The following FBXL13 variants were observed in gnomAD, a reference collection of about 807,000 sequenced individuals.
FBXL13 encodes the protein F-box and leucine-rich repeat protein 13.
FBXL13 carries 67 observed loss-of-function variants against 83.6 expected under a neutral mutation model. The ratio of observed to expected loss-of-function variants is 0.80; its 90% confidence interval spans 0.66 to 0.98. The LOEUF (loss-of-function observed/expected upper bound fraction) is 0.98, where lower values mean the gene tolerates loss of function less well. Ranked by LOEUF, FBXL13 falls within the 50% of genes least tolerant of loss-of-function variation. The pLI, the probability that FBXL13 is intolerant of heterozygous loss-of-function variation, is 0.00. For missense variants in FBXL13, 822 were observed against 866.5 expected (o/e 0.95, Z 0.64); for synonymous variants, 272 against 299.5 (o/e 0.91, Z 0.95).
chr7:103,006,578 A>T (rs1010634393), intron 6 of FBXL13, among the ~76,000 whole-genome samples: 1 of 152,208 alleles, frequency 6.6e-6, no homozygotes, highest in African/African-American at 2.4e-5. Flanking sequence ...CTTAAATATA[A>T]ATGGAAAAGA....
At position 102,918,455 on chromosome 7, in the gene FBXL13, A is replaced by G. The variant is rs4457267; in HGVS notation, c.879-5240T>C. Among the ~76,000 whole-genome samples, 230 of 152,346 alleles carry G rather than the reference A, an allele frequency of 1.5e-3. 1 individual carries two copies. Among genetic ancestry groups the G allele is most frequent in the African/African-American group, 5.4e-3 (224 of 41,584 alleles). ...ACCTTCAATTTCTAAGGAGAAAAAA[A>G]GCCATTTCAATGTATGATTGAAAAT... On this transcript the variant is annotated intron_variant, in intron 10 of 19. Transcript: ENST00000313221.
intron 11 of FBXL13, among the ~76,000 whole-genome samples, chr7:102,903,939 C>CTTTTTTTTTTTTTTTT (rs1166655004): frequency 0.015 from 636 of 43,018 alleles, 1 homozygote; most frequent in Middle Eastern, 0.031. Context: ...CTTTTCTTTT[C>CTTTTTTTTTTTTTTTT]TTTTTTTTTT....
At chr7:102,837,628 T>C (rs1584534000) in intron 17 of FBXL13, among the ~76,000 whole-genome samples, 1 of 152,266 alleles carries the variant, frequency 6.6e-6, no homozygotes, top group South Asian at 2.1e-4. Flanking sequence ...TGATCATAGC[T>C]CACTGTAGCC....
chr7:102,977,131 G>A (rs570038984), intron 6 of FBXL13, among the ~76,000 whole-genome samples: 2 of 152,304 alleles, frequency 1.3e-5, no homozygotes, highest in South Asian at 4.1e-4. Flanking sequence ...AGTGGCCCCT[G>A]CAATGGATCA....
intron 19 of FBXL13, among the ~76,000 whole-genome samples, chr7:102,819,280 G>T (rs1183502575): frequency 1.3e-5 from 2 of 152,076 alleles, no homozygotes; most frequent in East Asian, 3.9e-4. Flanking sequence ...GATCATAGTT[G>T]TTACTTATTC....
chr7:103,004,269 A>AGT (rs1320147567), intron 6 of FBXL13, among the ~76,000 whole-genome samples: 2 of 152,170 alleles, frequency 1.3e-5, no homozygotes, highest in African/African-American at 4.8e-5. Context: ...TTTCAGCACT[A>AGT]GTGGTGCTGT....
intron 1 of FBXL13, among the ~76,000 whole-genome samples, chr7:103,065,334 C>T (rs189522352): frequency 2.6e-5 from 4 of 152,266 alleles, no homozygotes; most frequent in Admixed American, 2.6e-4. Flanking sequence ...TCTACCTATT[C>T]TCAATTATAA....
chr7:103,034,192 C>T (rs1005526005), intron 2 of FBXL13, among the ~76,000 whole-genome samples: 1 of 152,220 alleles, frequency 6.6e-6, no homozygotes, highest in Admixed American at 6.5e-5. Context: ...CAGTGGATCT[C>T]GCACTGGGGC....
chr7:102,913,296 A>G, intron 10 of FBXL13, 81 bp from the exon 12 acceptor site: 2 of 1,556,654 alleles, frequency 1.3e-6, no homozygotes, highest in Non-Finnish European at 1.8e-6. Flanking sequence ...ATGACAAAGA[A>G]AACTGTAAAT....
At position 102,934,058 on chromosome 7, in the gene FBXL13, G is replaced by A. The variant is rs773790070; in HGVS notation, c.725-2125C>T. ...AGGCTCCAACCCGGTCAAACGCTAC[G>A]CACCAGGCCTCCCGTGTGACGTGTA... On this transcript the variant is annotated intron_variant, in intron 8 of 19. Transcript: ENST00000313221. 2.5e-6 allele frequency: 4 copies of A among 1,614,038 alleles called. No homozygotes were observed. The East Asian group carries it at 6.7e-5, about 27-fold the overall frequency.
At chr7:102,966,970 G>T (rs140632113) in intron 7 of FBXL13, among the ~76,000 whole-genome samples, 4,628 of 151,474 alleles carry the variant, frequency 0.031, 93 homozygotes, top group Non-Finnish European at 0.046. Context: ...TCCTGTTTTG[G>T]TTTTTTTGTT....
chr7:103,006,692 T>A (rs1329750615), intron 6 of FBXL13, among the ~76,000 whole-genome samples: 1 of 152,018 alleles, frequency 6.6e-6, no homozygotes, highest in Non-Finnish European at 1.5e-5. Flanking sequence ...TATAAGATTA[T>A]CCAACATATA....
intron 8 of FBXL13, among the ~76,000 whole-genome samples, chr7:102,947,075 G>A (rs1177098180): frequency 1.3e-5 from 2 of 152,194 alleles, no homozygotes. Flanking sequence ...TGTTCACTAT[G>A]AGGCATGAAA....
intron 18 of FBXL13, among the ~76,000 whole-genome samples, chr7:102,824,993 T>C (rs1799386732): frequency 6.6e-6 from 1 of 152,172 alleles, no homozygotes; most frequent in African/African-American, 2.4e-5. Context: ...TTACAATCTT[T>C]AATTATTATA....
intron 2 of FBXL13, among the ~76,000 whole-genome samples, chr7:103,038,867 C>T (rs1056744640): frequency 6.6e-6 from 1 of 152,194 alleles, no homozygotes; most frequent in African/African-American, 2.4e-5. Context: ...TGGGGAGAAA[C>T]CAGAGCAGAA....
chr7:102,877,515 G>A, exon 16 of FBXL13: 1 of 1,611,234 alleles, frequency 6.2e-7, no homozygotes, highest in Non-Finnish European at 8.5e-7. Flanking sequence ...CCAAGGAAAA[G>A]ATGTTTACAA....
chr7:102,930,237 G>A (rs994482466), intron 9 of FBXL13, among the ~76,000 whole-genome samples: 6 of 152,188 alleles, frequency 3.9e-5, no homozygotes, highest in African/African-American at 1.2e-4. Flanking sequence ...CACCAGCGAG[G>A]AGGGCTTGGC....
chr7:102,963,572 G>A, exon 8 of FBXL13: 5 of 1,612,772 alleles, frequency 3.1e-6, no homozygotes, highest in Non-Finnish European at 4.2e-6. Context: ...AGACAACCAC[G>A]AAAATTCAAA....
intron 2 of FBXL13, among the ~76,000 whole-genome samples, chr7:103,046,030 A>G (rs763643985): frequency 9.9e-5 from 15 of 152,210 alleles, no homozygotes; most frequent in Non-Finnish European, 1.2e-4. Context: ...GACTATTATT[A>G]TGACTCTCAG....
Sources: allele counts gnomAD v4.1 joint callset (sites outside exome capture counted in the v4.1 genomes callset), GRCh38; gene constraint gnomAD v4.1.1; transcripts MANE v1.5; gene names NCBI Gene and HGNC (gene_info 2026-07-23, HGNC 2026-07-21).